Variants in CORIN observed in about 807,000 individuals in gnomAD.
The protein encoded by CORIN is corin, serine peptidase, also known as atrial natriuretic peptide-converting enzyme.
In CORIN, 117 loss-of-function variants were observed where a neutral mutation model predicts 125.3. The ratio of observed to expected loss-of-function variants is 0.93; its 90% CI spans 0.80 to 1.09. The LOEUF is 1.09. Ranked by LOEUF, CORIN falls within the 50% of genes least tolerant of loss-of-function variation. CORIN has a pLI of 0.00. For missense variants in CORIN, 1,253 were observed against 1,306.7 expected (o/e 0.96, Z 0.63); for synonymous variants, 450 against 466.4 (o/e 0.96, Z 0.45).
chr4:47,835,944 G>T (rs1733376597), intron 1 of CORIN, among the ~76,000 whole-genome samples: 1 of 152,156 alleles, frequency 6.6e-6, no homozygotes, highest in Non-Finnish European at 1.5e-5. Context: ...GTTAACAGAG[G>T]CTTTCATCGT....
chr4:47,603,649 A>T lies in CORIN; in HGVS notation c.2560T>A (p.Trp854Arg). The T allele has an allele frequency of 1.2e-6, 2 of 1,613,754 alleles. No individual in the cohort carries two copies. Among genetic ancestry groups the T allele is most frequent in the South Asian group, 2.2e-5 (2 of 91,060 alleles). Residue 854 changes from tryptophan (W) to arginine (R), a missense_variant, in exon 20 of 22, where the codon TGG becomes AGG. Trp to Arg is a moderately radical substitution (Grantham distance 101). Transcript: ENST00000273857. ...CFEGRENAAV[W>R]KVVLGINNLD... The stretch of plus-strand genomic sequence containing the variant: ...TTGTTGATGCCAAGCACCACTTTCC[A>T]AACTGCAGCATTCTCTCTCCTAAAA...
At chr4:47,784,104 G>C (rs192529042) in intron 3 of CORIN, among the ~76,000 whole-genome samples, 7 of 152,100 alleles carry the variant, frequency 4.6e-5, no homozygotes, top group Admixed American at 6.5e-5. Flanking sequence ...GTGAAAAATG[G>C]GGTATGCTAC....
chr4:47,807,273 G>A (rs1242662354), intron 1 of CORIN, among the ~76,000 whole-genome samples: 2 of 152,134 alleles, frequency 1.3e-5, no homozygotes, highest in South Asian at 2.1e-4. Flanking sequence ...AACATTTTTC[G>A]GAAGTACATA....
At chr4:47,817,518 CAGCTGTGGCTGAGGTAG>C (rs1732326102) in intron 1 of CORIN, among the ~76,000 whole-genome samples, 1 of 152,116 alleles carries the variant, frequency 6.6e-6, no homozygotes, top group Non-Finnish European at 1.5e-5. Flanking sequence ...CCCAGTGTTT[CAGCTGTGGCTGAGGTAG>C]GATCAAGTTT....
At chr4:47,660,725 G>T (rs1724206124) in intron 12 of CORIN, among the ~76,000 whole-genome samples, 2 of 152,154 alleles carry the variant, frequency 1.3e-5, no homozygotes, top group African/African-American at 4.8e-5. Flanking sequence ...CCCACTATTG[G>T]TGAGAATGCA....
intron 12 of CORIN, among the ~76,000 whole-genome samples, chr4:47,654,382 T>C (rs7688765): frequency 0.12 from 18,229 of 152,180 alleles, 1,522 homozygotes; most frequent in East Asian, 0.47. Context: ...TAAGCAATCA[T>C]AGTACCTGGT....
intron 3 of CORIN, among the ~76,000 whole-genome samples, chr4:47,777,275 G>T (rs1021206812): frequency 6.6e-6 from 1 of 152,150 alleles, no homozygotes; most frequent in Non-Finnish European, 1.5e-5. Flanking sequence ...AAGTACACAG[G>T]CATGAGAATG....
At chr4:47,733,328 G>A (rs1341086998) in intron 5 of CORIN, among the ~76,000 whole-genome samples, 1 of 152,088 alleles carries the variant, frequency 6.6e-6, no homozygotes, top group Non-Finnish European at 1.5e-5. Flanking sequence ...TCTATCTCTA[G>A]CAAAATATTG....
chr4:47,813,330 A>G (rs1732136248), intron 1 of CORIN, among the ~76,000 whole-genome samples: 1 of 152,222 alleles, frequency 6.6e-6, no homozygotes, highest in Non-Finnish European at 1.5e-5. Context: ...ACCATAGTCC[A>G]AGTCCTTGCT....
chr4:47,757,267 G>T (rs1188734197), intron 4 of CORIN, among the ~76,000 whole-genome samples: 1 of 151,948 alleles, frequency 6.6e-6, no homozygotes, highest in African/African-American at 2.4e-5. Flanking sequence ...AAGAAGCATT[G>T]GTCTGAAAGT....
rs563225104 is a variant in CORIN, at chr4:47,595,967, A to G, written c.2947-64T>C. On this transcript the variant is annotated intron_variant, in intron 21 of 21. Coordinates refer to ENST00000273857, the MANE Select transcript of CORIN (RefSeq NM_006587.4). ...CAGGGCAGTAATGTGTGTCCATGCT[A>G]TCCTGAGGATACTATAAAGCTAAAC... The G allele has an allele frequency of 8.3e-6, 11 of 1,321,544 alleles. No homozygotes were observed. The African/African-American group carries it at 1.5e-4, about 18-fold the overall frequency. 81.9% of individuals were successfully genotyped at this position (1,321,544 alleles called of 1,614,324 possible).
intron 3 of CORIN, among the ~76,000 whole-genome samples, chr4:47,783,371 C>T (rs1050888702): frequency 6.6e-6 from 1 of 151,956 alleles, no homozygotes; most frequent in Non-Finnish European, 1.5e-5. Context: ...TCACATAAAG[C>T]TTATTTCACT....
At chr4:47,657,644 G>T (rs1724054931) in intron 12 of CORIN, among the ~76,000 whole-genome samples, 2 of 151,926 alleles carry the variant, frequency 1.3e-5, no homozygotes, top group African/African-American at 4.8e-5. Flanking sequence ...GAGTCTGCTT[G>T]GTTTCTAGGG....
At chr4:47,643,330 T>G in intron 14 of CORIN, 74 bp from the exon 15 acceptor site, 7 of 1,340,852 alleles carry the variant, frequency 5.2e-6, no homozygotes, top group Non-Finnish European at 7.2e-6. Context: ...ATGCATATCT[T>G]CATGTGCCAG....
At chr4:47,756,791 G>A (rs550014905) in intron 4 of CORIN, among the ~76,000 whole-genome samples, 2 of 152,282 alleles carry the variant, frequency 1.3e-5, no homozygotes, top group Admixed American at 1.3e-4. Flanking sequence ...GAATATCTCT[G>A]CAATGTACTG....
At chr4:47,689,256 T>C (rs1173380118) in intron 6 of CORIN, among the ~76,000 whole-genome samples, 2 of 152,220 alleles carry the variant, frequency 1.3e-5, no homozygotes, top group East Asian at 1.9e-4. Context: ...GACATTGGTC[T>C]ATATGCTTTA....
At position 47,801,628 on chromosome 4, in the gene CORIN, G is replaced by C. The variant is rs561247533; in HGVS notation, c.208+5275C>G. 1.1e-4 allele frequency among the ~76,000 whole-genome samples: 16 copies of C among 152,344 alleles called. No individual in the cohort carries two copies. In the South Asian group the frequency reaches 3.3e-3, roughly 32 times the overall value. ...GGAGAATGTGGGCACTTGGGAGAGG[G>C]AGAGTGCAGCAATTATGAGGCTTTG... On this transcript the variant is annotated intron_variant, in intron 2 of 21. Coordinates refer to ENST00000273857, the MANE Select transcript of CORIN (RefSeq NM_006587.4).
intron 10 of CORIN, 44 bp from the exon 11 acceptor site, chr4:47,665,307 T>C (rs766007407): frequency 1.4e-6 from 2 of 1,409,154 alleles, no homozygotes; most frequent in African/African-American, 2.9e-5. Context: ...ATTTCACATA[T>C]AAAAACAACT....
At chr4:47,676,442 G>A (rs1457773738) in intron 9 of CORIN, among the ~76,000 whole-genome samples, 3 of 152,156 alleles carry the variant, frequency 2.0e-5, no homozygotes, top group Non-Finnish European at 4.4e-5. Flanking sequence ...TGTCTGAGGC[G>A]CTTTACCAGG....
Sources: allele counts gnomAD v4.1 joint callset (sites outside exome capture counted in the v4.1 genomes callset), GRCh38; gene constraint gnomAD v4.1.1; transcripts MANE v1.5; gene names NCBI Gene and HGNC (gene_info 2026-07-23, HGNC 2026-07-21).